ARHGEF26: variants seen among roughly 807,000 people sequenced by gnomAD.
ARHGEF26 encodes Rho guanine nucleotide exchange factor (GEF) 26.
A neutral mutation model predicts 89.4 loss-of-function variants in ARHGEF26; 59 were observed. The ratio of observed to expected loss-of-function variants is 0.66; its 90% CI spans 0.54 to 0.82. ARHGEF26 has a LOEUF of 0.82. Among genes scored for constraint, ARHGEF26 ranks in the 40% least tolerant of loss-of-function variants. The pLI is 0.00. For synonymous variants in ARHGEF26, 500 were observed against 428.4 expected (o/e 1.17, Z -2.06); for missense variants, 1,234 against 1,085.6 (o/e 1.14, Z -1.92).
At chr3:154,197,721 A>G (rs2108201615) in intron 9 of ARHGEF26, among the ~76,000 whole-genome samples, 1 of 152,292 alleles carries the variant, frequency 6.6e-6, no homozygotes, top group Non-Finnish European at 1.5e-5. Context: ...CAAACAACTC[A>G]AAAACAAGAA....
At chr3:154,212,306 T>G (rs1715422424) in intron 9 of ARHGEF26, among the ~76,000 whole-genome samples, 2 of 148,178 alleles carry the variant, frequency 1.3e-5, no homozygotes, top group Admixed American at 6.8e-5. Context: ...CACACCACTG[T>G]ACTACAACCT....
chr3:154,133,583 A>G (rs973241208), intron 4 of ARHGEF26, among the ~76,000 whole-genome samples: 1 of 151,788 alleles, frequency 6.6e-6, no homozygotes, highest in African/African-American at 2.4e-5. Flanking sequence ...CTGTTTTTGT[A>G]CCAGTATCAT....
intron 6 of ARHGEF26, among the ~76,000 whole-genome samples, chr3:154,174,029 T>G (rs926352789): frequency 2.6e-5 from 4 of 152,198 alleles, no homozygotes; most frequent in African/African-American, 4.8e-5. Context: ...TTTTAGTACT[T>G]TATGTTATTT....
At chr3:154,227,641 G>C (rs1237618303) in intron 11 of ARHGEF26, among the ~76,000 whole-genome samples, 1 of 152,052 alleles carries the variant, frequency 6.6e-6, no homozygotes, top group Admixed American at 6.6e-5. Context: ...GTGTTTTGTT[G>C]GTTTCCTATG....
chr3:154,213,106 T>C (rs1715480875), intron 9 of ARHGEF26, among the ~76,000 whole-genome samples: 1 of 152,282 alleles, frequency 6.6e-6, no homozygotes, highest in Non-Finnish European at 1.5e-5. Flanking sequence ...TCTATCTTAC[T>C]GCATACTGCC....
At position 154,122,508 on chromosome 3, in the gene ARHGEF26, G is replaced by T; in HGVS notation, c.516G>T (p.Ser172=). ...GGTTGACTGCCAGCCCGGTGCCTTC[G>T]CCCACTGCAAATGGCCTTGCCGCTA... ...LTGLTASPVP[S]PTANGLAANN... Residue 172 remains serine (S), a synonymous_variant, in exon 2 of 15, where the codon TCG becomes TCT. Coordinates refer to ENST00000465093, the MANE Select transcript of ARHGEF26 (RefSeq NM_015595.4). 6.2e-7 allele frequency: 1 copy of T among 1,613,164 alleles called. No homozygotes were observed. The highest frequency in any genetic ancestry group is 8.5e-7 in the Non-Finnish European group (1 of 1,179,810).
chr3:154,194,575 C>A, intron 8 of ARHGEF26, 69 bp from the exon 9 acceptor site: 1 of 1,141,322 alleles, frequency 8.8e-7, no homozygotes, highest in East Asian at 2.6e-5. Context: ...AAGGATATGG[C>A]TGGACATTGG....
chr3:154,182,065 AATAT>A (rs545861540), intron 6 of ARHGEF26, among the ~76,000 whole-genome samples: 9 of 151,538 alleles, frequency 5.9e-5, no homozygotes, highest in Non-Finnish European at 2.9e-5. Flanking sequence ...ATACACACAC[AATAT>A]ATATATACAC....
intron 6 of ARHGEF26, among the ~76,000 whole-genome samples, chr3:154,169,629 C>G (rs1712287272): frequency 6.6e-6 from 1 of 152,072 alleles, no homozygotes; most frequent in African/African-American, 2.4e-5. Context: ...GCTCATAGTG[C>G]TATTGTAAGT....
At chr3:154,227,516 C>T (rs1232488197) in intron 11 of ARHGEF26, among the ~76,000 whole-genome samples, 9 of 152,018 alleles carry the variant, frequency 5.9e-5, no homozygotes, top group South Asian at 2.1e-4. Flanking sequence ...CTCCTGACCT[C>T]GTGATCTGCC....
Position 154,202,649 on chromosome 3 carries a change from C to T in ARHGEF26, c.1845+7931C>T, listed in dbSNP as rs554146851. Among the ~76,000 whole-genome samples the T allele has an allele frequency of 1.2e-4, 18 of 152,228 alleles. No homozygotes were observed. In the East Asian group the frequency reaches 3.1e-3, roughly 26 times the overall value. On this transcript the variant is annotated intron_variant, in intron 9 of 14. Coordinates refer to ENST00000465093, the MANE Select transcript of ARHGEF26 (RefSeq NM_015595.4). ...CTACCCATGAGCATGGAATGTTCTT[C>T]CATTTGTTTGTATCCTCTTTTATTT...
In ARHGEF26 at chr3:154,255,152, C is replaced by T. The variant is rs190418457; in HGVS notation, c.2474-179C>T. On this transcript the variant is annotated intron_variant, in intron 14 of 14. Transcript: ENST00000465093. ...GCCTTCTCACTTCAGGGCCTCTGCT[C>T]ACGTTCTTTCCCTGCCATGTCATTC... Among the ~76,000 whole-genome samples, 35 of 152,208 alleles carry T rather than the reference C, an allele frequency of 2.3e-4. No individual in the cohort carries two copies. The East Asian group carries it at 6.4e-3, about 28-fold the overall frequency.
intron 6 of ARHGEF26, among the ~76,000 whole-genome samples, chr3:154,182,449 A>T (rs768900057): frequency 6.6e-6 from 1 of 152,172 alleles, no homozygotes; most frequent in Non-Finnish European, 1.5e-5. Flanking sequence ...GGACCAGAGC[A>T]CATTGCTGGC....
intron 9 of ARHGEF26, among the ~76,000 whole-genome samples, chr3:154,203,338 G>T (rs980365300): frequency 3.3e-5 from 5 of 152,098 alleles, no homozygotes; most frequent in African/African-American, 1.2e-4. Flanking sequence ...CTGCATCCCA[G>T]GGATGAAGCC....
chr3:154,237,872 C>T (rs545245280), intron 11 of ARHGEF26, among the ~76,000 whole-genome samples: 1 of 152,282 alleles, frequency 6.6e-6, no homozygotes, highest in Admixed American at 6.5e-5. Flanking sequence ...GTGCCTTTGA[C>T]TAACAGGTTT....
chr3:154,222,058 C>A (rs1716167197), intron 10 of ARHGEF26, among the ~76,000 whole-genome samples: 2 of 152,154 alleles, frequency 1.3e-5, no homozygotes, highest in South Asian at 4.1e-4. Context: ...ATTAACTTCA[C>A]TTTATAGATG....
rs749632248 is a variant in ARHGEF26, at chr3:154,164,672, C to T, written c.1487+11740C>T. On this transcript the variant is annotated intron_variant, in intron 6 of 14. Transcript: ENST00000465093. ...TCTTTTCTAGCAGAGAAGAGTAATA[C>T]GAATGACCAGAACAGGGCACAATAG... Among the ~76,000 whole-genome samples, 18 of 152,188 alleles carry T rather than the reference C, an allele frequency of 1.2e-4. No individual in the cohort carries two copies. In the East Asian group the frequency reaches 1.7e-3, roughly 15 times the overall value.
intron 9 of ARHGEF26, among the ~76,000 whole-genome samples, chr3:154,201,351 G>C (rs1337323793): frequency 6.6e-6 from 1 of 152,084 alleles, no homozygotes; most frequent in African/African-American, 2.4e-5. Context: ...TTTTATGGCT[G>C]CATGGTATTC....
At chr3:154,213,663 G>A (rs1715543404) in intron 9 of ARHGEF26, among the ~76,000 whole-genome samples, 1 of 152,066 alleles carries the variant, frequency 6.6e-6, no homozygotes, top group Admixed American at 6.6e-5. Flanking sequence ...GGCCTGGTGT[G>A]CTGGCTCATG....
Sources: gnomAD v4.1 joint callset for allele counts (sites outside exome capture counted in the v4.1 genomes callset) on GRCh38, gnomAD v4.1.1 for gene constraint, MANE v1.5 for transcripts, NCBI Gene and HGNC (gene_info 2026-07-23, HGNC 2026-07-21) for gene names.